Variants in PVT1 observed in about 807,000 individuals in gnomAD.
PVT1 encodes CXCR4/PVT1 fusion.
intron 2 of PVT1, among the ~76,000 whole-genome samples, chr8:127,870,801 G>A (rs1234120313): frequency 2.0e-5 from 3 of 152,300 alleles, no homozygotes; most frequent in Admixed American, 2.0e-4. Flanking sequence ...CTGGGTCAAG[G>A]CAATGATTAA....
In PVT1 at chr8:127,939,789, T is replaced by C. The variant is rs1816326487; in HGVS notation, n.782+48791T>C. On this transcript the variant is annotated intron_variant and non_coding_transcript_variant, in intron 3 of 10. Coordinates refer to ENST00000651587, the Ensembl canonical transcript of PVT1. ...ATTTTCCACATACTTTCCATATCTTTAGAGGCCTGACCAAAGCAGATCTTT... is the reference window on the plus strand; with the variant it reads ...ATTTTCCACATACTTTCCATATCTTCAGAGGCCTGACCAAAGCAGATCTTT... 3.9e-5 allele frequency: 6 copies of C among 152,316 alleles called. No individual in the cohort carries two copies. The South Asian group carries it at 1.2e-3, about 32-fold the overall frequency. The allele number at this position is 152,316 out of a possible 1,614,324, so 9.4% of individuals were successfully genotyped here.
chr8:127,931,384 T>C (rs568011650), intron 3 of PVT1, among the ~76,000 whole-genome samples: 2 of 152,346 alleles, frequency 1.3e-5, no homozygotes, highest in Non-Finnish European at 2.9e-5. Flanking sequence ...TGTATTTTAC[T>C]TATTCCATTT....
At chr8:127,808,029 C>G (rs958132142) in intron 2 of PVT1, among the ~76,000 whole-genome samples, 6 of 151,878 alleles carry the variant, frequency 4.0e-5, no homozygotes, top group African/African-American at 1.4e-4. Context: ...CAGCCTCCCA[C>G]AGTGTTAGGA....
At chr8:128,076,030 T>A (rs1257372438) in intron 5 of PVT1, among the ~76,000 whole-genome samples, 1 of 151,964 alleles carries the variant, frequency 6.6e-6, no homozygotes, top group Non-Finnish European at 1.5e-5. Flanking sequence ...GGGACCAGAG[T>A]TTCCTTTGTC....
At chr8:127,819,626 C>T (rs577904414) in intron 2 of PVT1, among the ~76,000 whole-genome samples, 4 of 152,122 alleles carry the variant, frequency 2.6e-5, no homozygotes, top group Admixed American at 6.6e-5. Flanking sequence ...ATGTGCAATG[C>T]GGAAGAGCCT....
rs1815389021 is a variant in PVT1, at chr8:127,874,927, T to G, written n.373-15662T>G. Among the ~76,000 whole-genome samples the G allele has an allele frequency of 2.0e-5, 3 of 150,542 alleles. No homozygotes were observed. In the South Asian group the frequency reaches 6.3e-4, roughly 31 times the overall value. ...AGGTGTGTGTGTGTGTGTGTGTGTG[T>G]GTGTGTGTGGGTGTGTGGCCCTGGG... On this transcript the variant is annotated intron_variant and non_coding_transcript_variant, in intron 2 of 10. Coordinates refer to ENST00000651587, the Ensembl canonical transcript of PVT1.
At chr8:127,852,071 T>C (rs1209212482) in intron 2 of PVT1, 2 of 152,220 alleles carry the variant, frequency 1.3e-5, no homozygotes. Flanking sequence ...GGGTAGCCCA[T>C]ACCCAGGCTC....
intron 3 of PVT1, among the ~76,000 whole-genome samples, chr8:127,961,601 A>G (rs1816643521): frequency 6.6e-6 from 1 of 152,216 alleles, no homozygotes; most frequent in Admixed American, 6.5e-5. Context: ...TTCTCCTACC[A>G]GCAAGCTGCC....
chr8:128,072,245 C>A (rs115262046), intron 5 of PVT1, among the ~76,000 whole-genome samples: 4,819 of 152,074 alleles, frequency 0.032, 257 homozygotes, highest in African/African-American at 0.11. Context: ...GTGACAAAGA[C>A]CACAAAGACA....
At chr8:127,927,215 G>GA (rs1379882039) in intron 3 of PVT1, among the ~76,000 whole-genome samples, 1 of 152,232 alleles carries the variant, frequency 6.6e-6, no homozygotes, top group Non-Finnish European at 1.5e-5. Flanking sequence ...GTGGGGATCG[G>GA]AAATAATCTG....
chr8:128,051,408 C>T (rs1304257679), intron 4 of PVT1, among the ~76,000 whole-genome samples: 2 of 152,144 alleles, frequency 1.3e-5, no homozygotes, highest in African/African-American at 4.8e-5. Context: ...TTTAATGTGC[C>T]TCAATGAAGA....
At chr8:127,892,994 T>C (rs1815630791) in intron 3 of PVT1, among the ~76,000 whole-genome samples, 2 of 152,180 alleles carry the variant, frequency 1.3e-5, no homozygotes, top group South Asian at 4.1e-4. Context: ...TTTTATCAGT[T>C]ACTGCCTAGA....
chr8:127,964,851 G>GA (rs1337275866), intron 3 of PVT1, among the ~76,000 whole-genome samples: 2 of 146,992 alleles, frequency 1.4e-5, no homozygotes, highest in Non-Finnish European at 3.1e-5. Context: ...TTTAAGAATG[G>GA]GGTTTTACCA....
intron 3 of PVT1, among the ~76,000 whole-genome samples, chr8:127,899,326 C>A (rs1012717555): frequency 6.6e-6 from 1 of 152,130 alleles, no homozygotes; most frequent in African/African-American, 2.4e-5. Flanking sequence ...GTAAAACTGG[C>A]CAGTTGTCCA....
intron 4 of PVT1, among the ~76,000 whole-genome samples, chr8:128,028,085 G>A (rs1003012205): frequency 1.3e-5 from 2 of 152,218 alleles, no homozygotes; most frequent in African/African-American, 4.8e-5. Context: ...AGCCCACACG[G>A]CCTCCTTTTG....
At chr8:127,945,599 G>A (rs969114095) in intron 3 of PVT1, among the ~76,000 whole-genome samples, 4 of 152,184 alleles carry the variant, frequency 2.6e-5, no homozygotes, top group Non-Finnish European at 4.4e-5. Flanking sequence ...TTCCCAGCCT[G>A]TGCCCTGACA....
chr8:128,034,182 TCTC>T (rs1229364854), intron 4 of PVT1, among the ~76,000 whole-genome samples: 3 of 151,100 alleles, frequency 2.0e-5, no homozygotes, highest in Non-Finnish European at 2.9e-5. Context: ...CTCTCCTCCT[TCTC>T]CTCCTCCTCT....
chr8:127,959,682 T>C (rs1293235178), intron 3 of PVT1, among the ~76,000 whole-genome samples: 3 of 149,712 alleles, frequency 2.0e-5, no homozygotes, highest in Non-Finnish European at 3.0e-5. Flanking sequence ...GAAACAGACA[T>C]CTTTAATGGG....
At chr8:128,086,806 T>C (rs574480105) in intron 5 of PVT1, among the ~76,000 whole-genome samples, 46 of 152,362 alleles carry the variant, frequency 3.0e-4, no homozygotes, top group African/African-American at 1.1e-3. Context: ...TGCGTTTGGC[T>C]CCAGCATATT....
Sources: allele counts gnomAD v4.1 joint callset (sites outside exome capture counted in the v4.1 genomes callset), GRCh38; gene constraint gnomAD v4.1.1; transcripts MANE v1.5; gene names NCBI Gene and HGNC (gene_info 2026-07-23, HGNC 2026-07-21).